Variants in CLASP2 observed in about 807,000 individuals in gnomAD.
CLASP2 encodes cytoplasmic linker associated protein 2, also known as CLIP-associating protein 2.
CLASP2 carries 47 observed loss-of-function variants against 194.4 expected under a neutral mutation model. The ratio of observed to expected loss-of-function variants is 0.24; its 90% CI spans 0.19 to 0.31. The LOEUF (loss-of-function observed/expected upper bound fraction) is 0.31. CLASP2 is among the 10% of genes least tolerant of loss of function. The probability of loss-of-function intolerance (pLI) is 1.00; values close to 1 mark genes in which losing one functional copy is unlikely to be tolerated. For missense variants in CLASP2, 1,445 were observed against 1,823.6 expected, an observed-to-expected ratio of 0.79 and a Z score of 3.78; for synonymous variants, 619 against 633.5, an observed-to-expected ratio of 0.98 and a Z score of 0.34.
At chr3:33,517,243 C>T in intron 34 of CLASP2, 69 bp from the exon 35 acceptor site, 1 of 1,191,522 alleles carries the variant, frequency 8.4e-7, no homozygotes, top group Non-Finnish European at 1.2e-6. Context: ...GGGATAACAA[C>T]TTTATATGAT....
chr3:33,663,873 G>C (rs2085724480), intron 6 of CLASP2, among the ~76,000 whole-genome samples: 1 of 151,856 alleles, frequency 6.6e-6, no homozygotes, highest in Admixed American at 6.6e-5. Context: ...ATCTTTTAAA[G>C]GCATATAAAA....
chr3:33,699,061 T>C (rs574980283), intron 1 of CLASP2, among the ~76,000 whole-genome samples: 13 of 152,270 alleles, frequency 8.5e-5, no homozygotes, highest in Admixed American at 8.5e-4. Flanking sequence ...ATTTTTTAAA[T>C]GCATTAAAAG....
intron 37 of CLASP2, chr3:33,502,052 CCTGAAAAAAGTCT>C (rs1241879528): frequency 7.6e-6 from 2 of 263,618 alleles, no homozygotes; most frequent in Non-Finnish European, 1.4e-5. Flanking sequence ...GCCAATTCAC[CCTGAAAAAAGTCT>C]CCAGACTAAC....
intron 30 of CLASP2, among the ~76,000 whole-genome samples, chr3:33,549,926 A>G (rs1265151037): frequency 6.6e-6 from 1 of 151,732 alleles, no homozygotes; most frequent in African/African-American, 2.4e-5. Context: ...TAGCAGAGAC[A>G]GGGTTTCTCC....
At chr3:33,560,333 C>T (rs766500035) in intron 28 of CLASP2, among the ~76,000 whole-genome samples, 5 of 151,906 alleles carry the variant, frequency 3.3e-5, no homozygotes, top group Non-Finnish European at 5.9e-5. Context: ...ACCTCCACCT[C>T]CCAGGTTCAA....
Position 33,717,666 on chromosome 3 carries a change from C to A in CLASP2, c.195+142G>T, listed in dbSNP as rs1478377127. 4.5e-6 allele frequency: 4 copies of A among 882,656 alleles called. No individual in the cohort carries two copies. In the African/African-American group the frequency reaches 6.8e-5, roughly 15 times the overall value. 54.7% of individuals were successfully genotyped at this position (882,656 alleles called of 1,614,324 possible). ...GGTCTCGAACTCCTGACCTCGTGAT[C>A]CGCCCGCCTGTGCTTCCCAAAGTGT... On this transcript the variant is annotated intron_variant, in intron 1 of 38. Coordinates refer to ENST00000682230, the MANE Select transcript of CLASP2 (RefSeq NM_001365631.1).
intron 1 of CLASP2, among the ~76,000 whole-genome samples, chr3:33,698,555 A>G (rs976614640): frequency 6.6e-6 from 1 of 152,212 alleles, no homozygotes; most frequent in Non-Finnish European, 1.5e-5. Flanking sequence ...TATGAAGCAC[A>G]AGAAAATAGG....
chr3:33,559,178 G>A (rs751299839), intron 29 of CLASP2, 129 bp downstream of exon 29: 1 of 730,784 alleles, frequency 1.4e-6, no homozygotes, highest in Non-Finnish European at 2.4e-6. Flanking sequence ...TTGACTGTCT[G>A]AAAGTTTATA....
At chr3:33,659,186 G>A (rs1232433113) in intron 7 of CLASP2, 11 of 1,368,878 alleles carry the variant, frequency 8.0e-6, no homozygotes, top group Middle Eastern at 2.6e-4. Flanking sequence ...CTGGGGTCTT[G>A]CTGAAAACCC....
At chr3:33,670,684 G>A (rs2086995090) in intron 6 of CLASP2, among the ~76,000 whole-genome samples, 2 of 152,170 alleles carry the variant, frequency 1.3e-5, no homozygotes, top group African/African-American at 4.8e-5. Context: ...GAAAACCAGT[G>A]CCAGGGTAGG....
At chr3:33,510,318 C>A (rs1280718181) in intron 37 of CLASP2, among the ~76,000 whole-genome samples, 1 of 152,094 alleles carries the variant, frequency 6.6e-6, no homozygotes, top group African/African-American at 2.4e-5. Context: ...TTGCATAACA[C>A]TGTGAATGTA....
At chr3:33,693,519 C>G (rs1246209776) in intron 2 of CLASP2, among the ~76,000 whole-genome samples, 2 of 152,120 alleles carry the variant, frequency 1.3e-5, no homozygotes, top group Non-Finnish European at 2.9e-5. Context: ...ACTCTTAGTC[C>G]AGTTCCATAC....
intron 6 of CLASP2, among the ~76,000 whole-genome samples, chr3:33,673,087 G>A (rs535892119): frequency 1.3e-5 from 2 of 152,146 alleles, no homozygotes; most frequent in Non-Finnish European, 2.9e-5. Context: ...AGGAAATACA[G>A]AGAACGCTAC....
At chr3:33,609,558 T>C (rs2074655477) in intron 13 of CLASP2, among the ~76,000 whole-genome samples, 1 of 152,334 alleles carries the variant, frequency 6.6e-6, no homozygotes, top group Middle Eastern at 3.4e-3. Context: ...AGCTCTGACC[T>C]GTATTTCTTC....
intron 18 of CLASP2, chr3:33,602,730 A>T: frequency 1.5e-6 from 1 of 679,374 alleles, no homozygotes; most frequent in Non-Finnish European, 2.7e-6. Flanking sequence ...TCATGGATTC[A>T]AGAATTGTTT....
intron 18 of CLASP2, chr3:33,602,654 C>T: frequency 1.4e-6 from 1 of 714,124 alleles, no homozygotes; most frequent in African/African-American, 1.7e-5. Flanking sequence ...AATTCCCTTC[C>T]CAAACCCCCT....
At chr3:33,555,847 T>C (rs1383618163) in intron 29 of CLASP2, among the ~76,000 whole-genome samples, 1 of 152,238 alleles carries the variant, frequency 6.6e-6, no homozygotes, top group Non-Finnish European at 1.5e-5. Flanking sequence ...TAGCAATTTA[T>C]CGTCATGCAA....
intron 37 of CLASP2, chr3:33,502,424 T>C (rs937091755): frequency 2.0e-5 from 3 of 152,242 alleles, no homozygotes; most frequent in Non-Finnish European, 4.4e-5. Flanking sequence ...CAGATACTTA[T>C]CATTTCTTTG....
intron 2 of CLASP2, among the ~76,000 whole-genome samples, chr3:33,691,172 TG>T (rs1285722261): frequency 6.6e-6 from 1 of 152,128 alleles, no homozygotes. Flanking sequence ...AGGAATCCAC[TG>T]GGGGTCTTGG....
Sources: allele counts gnomAD v4.1 joint callset (sites outside exome capture counted in the v4.1 genomes callset), GRCh38; gene constraint gnomAD v4.1.1; transcripts MANE v1.5; gene names NCBI Gene and HGNC (gene_info 2026-07-23, HGNC 2026-07-21).